MTHFS: variants seen among roughly 807,000 people sequenced by gnomAD.
MTHFS encodes methenyltetrahydrofolate synthetase.
In MTHFS, 7 loss-of-function variants were observed where a neutral mutation model predicts 12.7. The observed-to-expected ratio is 0.55, with a 90% confidence interval of 0.31 to 1.03. The LOEUF is 1.03. Among genes scored for constraint, MTHFS ranks in the 50% least tolerant of loss-of-function variants. The probability of loss-of-function intolerance (pLI) is 0.05; values close to 1 mark genes in which losing one functional copy is unlikely to be tolerated. For synonymous variants in MTHFS, 100 were observed against 97.1 expected (o/e 1.03, Z -0.18); for missense variants, 252 against 258.1 (o/e 0.98, Z 0.16).
In MTHFS at chr15:79,844,134, C is replaced by G. The variant is rs956378796; in HGVS notation, c.*1076G>C. ...AGCCATCTGTTTGCTACCCAAGAGG[C>G]TCTGAACAGCCACCGGAAGACCTTA... On this transcript the variant is annotated 3_prime_UTR_variant, in exon 3 of 3. Coordinates refer to ENST00000258874, the MANE Select transcript of MTHFS (RefSeq NM_006441.4). The G allele has an allele frequency of 6.6e-6, 1 of 152,152 alleles. No individual in the cohort carries two copies. Among genetic ancestry groups the G allele is most frequent in the Non-Finnish European group, 1.5e-5 (1 of 68,046 alleles). The allele number at this position is 152,152 out of a possible 1,614,324, so 9.4% of individuals were successfully genotyped here. A position where few individuals can be genotyped will look rare whatever the true frequency, so the allele number is the denominator to read the frequency against.
intron 1 of MTHFS, among the ~76,000 whole-genome samples, chr15:79,895,587 G>A (rs1291324967): frequency 6.6e-6 from 1 of 152,202 alleles, no homozygotes; most frequent in Non-Finnish European, 1.5e-5. Context: ...AAGGACAAGA[G>A]TCTATATCCT....
rs144926382 is a variant in MTHFS, at chr15:79,856,987, C to T, written c.380-11545G>A. On this transcript the variant is annotated intron_variant, in intron 2 of 2. Transcript: ENST00000258874. ...TTTCTCAGTTTTTAGAAGATGAGCT[C>T]GCAAAGTCACTTTTTTTTTTTTTTT... 7.3e-4 allele frequency among the ~76,000 whole-genome samples: 106 copies of T among 144,568 alleles called. 5 individuals are homozygous for T. The East Asian group carries it at 0.021, about 28-fold the overall frequency. 94.8% of individuals were successfully genotyped at this position (144,568 alleles called of 152,430 possible). A position where few individuals can be genotyped will look rare whatever the true frequency, so the allele number is the denominator to read the frequency against.
At chr15:79,863,554 TAGC>T (rs2033954427) in intron 2 of MTHFS, among the ~76,000 whole-genome samples, 1 of 152,200 alleles carries the variant, frequency 6.6e-6, no homozygotes, top group Non-Finnish European at 1.5e-5. Context: ...TTCTCCTTAG[TAGC>T]AGAAAACTTT....
Position 79,895,072 on chromosome 15 carries a change from C to T in MTHFS, c.117+1800G>A, listed in dbSNP as rs185414042. Among the ~76,000 whole-genome samples, 9 of 152,278 alleles carry T rather than the reference C, an allele frequency of 5.9e-5. No individual in the cohort carries two copies. In the East Asian group the frequency reaches 9.6e-4, roughly 16 times the overall value. On this transcript the variant is annotated intron_variant, in intron 1 of 2. Coordinates refer to ENST00000258874, the MANE Select transcript of MTHFS (RefSeq NM_006441.4). ...TACACACTTCTTTAACTCTCACAATCGACCTACAAGAGTGATATTATCCAT... is the reference window on the plus strand; with the variant it reads ...TACACACTTCTTTAACTCTCACAATTGACCTACAAGAGTGATATTATCCAT...
chr15:79,888,122 T>C (rs1260080971), intron 2 of MTHFS, among the ~76,000 whole-genome samples: 1 of 152,136 alleles, frequency 6.6e-6, no homozygotes, highest in Non-Finnish European at 1.5e-5. Flanking sequence ...CCTTAGCTTG[T>C]TTTGCTTTCA....
intron 2 of MTHFS, among the ~76,000 whole-genome samples, chr15:79,879,100 AT>A (rs1344919899): frequency 2.6e-5 from 4 of 152,040 alleles, no homozygotes; most frequent in African/African-American, 9.7e-5. Flanking sequence ...ATCAAAAAAA[AT>A]TTAACACAAA....
At chr15:79,889,420 C>T in intron 1 of MTHFS, 66 bp from the exon 2 acceptor site, 2 of 1,532,962 alleles carry the variant, frequency 1.3e-6, no homozygotes, top group Non-Finnish European at 1.7e-6. Flanking sequence ...TTAACAATTC[C>T]TCCTTTCTCT....
chr15:79,858,403 C>A (rs927432520), intron 2 of MTHFS, among the ~76,000 whole-genome samples: 1 of 152,108 alleles, frequency 6.6e-6, no homozygotes, highest in African/African-American at 2.4e-5. Context: ...GTATCAACCA[C>A]GAAAGGATGA....
In MTHFS at chr15:79,896,934, G is replaced by T. The variant is rs1945185040; in HGVS notation, c.55C>A (p.Gln19Lys). ...AKRSLRGELK[Q>K]RLRAMSAEER... ...TCGGCACTCATCGCCCGCAGACGCT[G>T]CTTCAGCTCTCCCCGCAGGCTCCGC... The change falls in exon 1 of 3, where the codon CAG (glutamine) becomes AAG (lysine). Residue 19 changes from glutamine to lysine, a missense_variant. Coordinates refer to ENST00000258874, the MANE Select transcript of MTHFS (RefSeq NM_006441.4). 3 of 1,540,288 alleles carry T rather than the reference G, an allele frequency of 1.9e-6. No individual in the cohort carries two copies. The highest frequency in any genetic ancestry group is 1.8e-4 in the Middle Eastern group (1 of 5,474).
At chr15:79,851,683 A>G (rs1251820689) in intron 2 of MTHFS, among the ~76,000 whole-genome samples, 1 of 152,222 alleles carries the variant, frequency 6.6e-6, no homozygotes, top group African/African-American at 2.4e-5. Context: ...ACTGATGCTC[A>G]GAGAGGTCAA....
chr15:79,883,247 G>C (rs530147795), intron 2 of MTHFS, among the ~76,000 whole-genome samples: 33 of 152,170 alleles, frequency 2.2e-4, no homozygotes, highest in Non-Finnish European at 5.9e-5. Context: ...ACTGACTCTA[G>C]TATACTTTTT....
chr15:79,865,669 T>C (rs2033997495), intron 2 of MTHFS, among the ~76,000 whole-genome samples: 1 of 152,170 alleles, frequency 6.6e-6, no homozygotes, highest in South Asian at 2.1e-4. Flanking sequence ...CCCTCAGCAG[T>C]GTGCTAGGCA....
In MTHFS at chr15:79,848,793, T is replaced by C. The variant is rs143428915; in HGVS notation, c.380-3351A>G. On this transcript the variant is annotated intron_variant, in intron 2 of 2. Coordinates refer to ENST00000258874, the MANE Select transcript of MTHFS (RefSeq NM_006441.4). ...TACCACAGTTGATGGTACACGTCTCTGTCTCCCTCACTGGACAGAAAATTT... is the reference window on the plus strand; with the variant it reads ...TACCACAGTTGATGGTACACGTCTCCGTCTCCCTCACTGGACAGAAAATTT... 4.4e-3 allele frequency among the ~76,000 whole-genome samples: 668 copies of C among 152,340 alleles called. 7 individuals carry two copies. The highest frequency in any genetic ancestry group is 0.015 in the African/African-American group (642 of 41,580).
chr15:79,877,908 C>CAAAACCCT (rs1293059284), intron 2 of MTHFS: 2 of 151,820 alleles, frequency 1.3e-5, no homozygotes, highest in South Asian at 4.2e-4. Flanking sequence ...TCATATTCAG[C>CAAAACCCT]AAAACCCTTT....
chr15:79,894,029 T>A (rs549267673), intron 1 of MTHFS, among the ~76,000 whole-genome samples: 1 of 152,302 alleles, frequency 6.6e-6, no homozygotes, highest in Non-Finnish European at 1.5e-5. Context: ...CCAGTGATGA[T>A]CCATTGGTTA....
rs1315253173 is a variant in MTHFS, at chr15:79,844,213, G to C, written c.*997C>G. ...GTTTTCTAAGATCAGTTTGACTGCAGCTTGAGAAATAAACTGGAAGAGGCA... is the reference window on the plus strand; with the variant it reads ...GTTTTCTAAGATCAGTTTGACTGCACCTTGAGAAATAAACTGGAAGAGGCA... On this transcript the variant is annotated 3_prime_UTR_variant, in exon 3 of 3. Coordinates refer to ENST00000258874, the MANE Select transcript of MTHFS (RefSeq NM_006441.4). 1.3e-5 allele frequency: 2 copies of C among 152,232 alleles called. No individual in the cohort carries two copies. The highest frequency in any genetic ancestry group is 2.9e-5 in the Non-Finnish European group (2 of 68,060). The allele number at this position is 152,232 out of a possible 1,614,324, so 9.4% of individuals were successfully genotyped here.
At chr15:79,897,228 G>C, upstream of MTHFS, 1 of 454,400 alleles carries the variant, frequency 2.2e-6, no homozygotes. Context: ...TCCCCGGTTA[G>C]GGGAGCGGTG....
chr15:79,873,232 T>C (rs1349700117), intron 2 of MTHFS, among the ~76,000 whole-genome samples: 1 of 152,188 alleles, frequency 6.6e-6, no homozygotes, highest in African/African-American at 2.4e-5. Context: ...CAAAGGGACC[T>C]GGGTCTTAAT....
At chr15:79,871,799 C>T (rs2034110277) in intron 2 of MTHFS, among the ~76,000 whole-genome samples, 3 of 151,988 alleles carry the variant, frequency 2.0e-5, no homozygotes, top group African/African-American at 4.8e-5. Flanking sequence ...ACTTCAAATG[C>T]TATTAAAATT....
Sources: allele counts gnomAD v4.1 joint callset (sites outside exome capture counted in the v4.1 genomes callset), GRCh38; gene constraint gnomAD v4.1.1; transcripts MANE v1.5; gene names NCBI Gene and HGNC (gene_info 2026-07-23, HGNC 2026-07-21).